SH3BGRL2: variants seen among roughly 807,000 people sequenced by gnomAD.
The protein encoded by SH3BGRL2 is SH3 domain binding glutamate rich protein like 2.
A neutral mutation model predicts 14.8 loss-of-function variants in SH3BGRL2; 21 were observed. That is an observed-to-expected ratio of 1.42 (90% CI 1.01 to 2.05). The LOEUF (loss-of-function observed/expected upper bound fraction) is 2.05. Ranked by LOEUF, SH3BGRL2 falls within the 30% of genes most tolerant of loss-of-function variation. The pLI is 0.00. For missense variants in SH3BGRL2, 147 were observed against 130.8 expected, an observed-to-expected ratio of 1.12 and a Z score of -0.61; for synonymous variants, 50 against 47.8, an observed-to-expected ratio of 1.05 and a Z score of -0.19.
At chr6:79,685,300 CTCTT>C (rs1210715829) in intron 2 of SH3BGRL2, among the ~76,000 whole-genome samples, 1 of 152,148 alleles carries the variant, frequency 6.6e-6, no homozygotes, top group East Asian at 1.9e-4. Context: ...CAAATTCTCT[CTCTT>C]TCTGAATCTT....
At chr6:79,576,647 T>C in the SH3BGRL2 span, among the ~76,000 whole-genome samples, 1 of 152,196 alleles carries the variant, frequency 6.6e-6, no homozygotes, top group African/African-American at 2.4e-5. Context: ...TATTGGGGTA[T>C]AATTTACATA....
chr6:79,586,454 A>C, the SH3BGRL2 span, among the ~76,000 whole-genome samples: 1 of 152,108 alleles, frequency 6.6e-6, no homozygotes, highest in Non-Finnish European at 1.5e-5. Flanking sequence ...AAAACATATA[A>C]TTCATAAATC....
chr6:79,649,985 T>TCA (rs1554202291), intron 1 of SH3BGRL2, among the ~76,000 whole-genome samples: 2,950 of 142,002 alleles, frequency 0.021, 53 homozygotes, highest in African/African-American at 0.041. Flanking sequence ...TCTCTCTCTC[T>TCA]CACACACACA....
intron 1 of SH3BGRL2, among the ~76,000 whole-genome samples, chr6:79,654,021 A>G (rs994713664): frequency 1.7e-4 from 26 of 152,226 alleles, no homozygotes; most frequent in African/African-American, 5.8e-4. Flanking sequence ...TGGTGAGAAT[A>G]GTTGCGTTGT....
At position 79,699,821 on chromosome 6, in the gene SH3BGRL2, G is replaced by A. The variant is rs1770417591; in HGVS notation, c.*312G>A. On this transcript the variant is annotated 3_prime_UTR_variant, in exon 4 of 4. Transcript: ENST00000369838. The stretch of plus-strand genomic sequence containing the variant: ...AAGATAAGTGGGTAGCACCGTCAGA[G>A]AGAAAATGTTGGATCTGCCCTAGGT... 5.5e-6 allele frequency: 2 copies of A among 362,786 alleles called. No homozygotes were observed. The highest frequency in any genetic ancestry group is 9.8e-6 in the Non-Finnish European group (2 of 205,126). The allele number at this position is 362,786 out of a possible 1,614,324, so 22.5% of individuals were successfully genotyped here.
At chr6:79,538,517 T>A in the SH3BGRL2 span, among the ~76,000 whole-genome samples, 1 of 152,212 alleles carries the variant, frequency 6.6e-6, no homozygotes, top group African/African-American at 2.4e-5. Flanking sequence ...CATCTGTTAG[T>A]GAAAATAAGA....
the SH3BGRL2 span, among the ~76,000 whole-genome samples, chr6:79,557,476 G>C: frequency 6.6e-6 from 1 of 151,936 alleles, no homozygotes; most frequent in Non-Finnish European, 1.5e-5. Flanking sequence ...TAAACTAATT[G>C]AGCAGCAAAA....
At chr6:79,616,476 C>A in the SH3BGRL2 span, among the ~76,000 whole-genome samples, 1 of 151,892 alleles carries the variant, frequency 6.6e-6, no homozygotes, top group Non-Finnish European at 1.5e-5. Flanking sequence ...CTGTTCCTGG[C>A]CCTTTGTACA....
chr6:79,645,249 AG>A lies in SH3BGRL2; in HGVS notation c.45+13744del, dbSNP rs201553998. On this transcript the variant is annotated intron_variant, in intron 1 of 3. Coordinates refer to ENST00000369838, the MANE Select transcript of SH3BGRL2 (RefSeq NM_031469.4). ...TTTATTAAGGTTAGTGTAGGCTGGA[AG>A]TCACAATCTGGTTGCAAGTCTGAAA... 8.8e-3 allele frequency among the ~76,000 whole-genome samples: 1,335 copies of A among 152,088 alleles called. 18 individuals carry two copies. Among genetic ancestry groups the A allele is most frequent in the African/African-American group, 0.031 (1,274 of 41,420 alleles).
chr6:79,614,363 G>C, the SH3BGRL2 span, among the ~76,000 whole-genome samples: 2 of 152,210 alleles, frequency 1.3e-5, no homozygotes, highest in East Asian at 3.9e-4. Context: ...AAGAGGCAGA[G>C]GCCTGGGGGA....
chr6:79,666,667 C>G (rs564911165), intron 1 of SH3BGRL2, among the ~76,000 whole-genome samples: 1 of 152,132 alleles, frequency 6.6e-6, no homozygotes, highest in African/African-American at 2.4e-5. Context: ...GGGCCTTCTA[C>G]CTTCCTTAAT....
chr6:79,594,358 C>G, the SH3BGRL2 span, among the ~76,000 whole-genome samples: 1 of 152,160 alleles, frequency 6.6e-6, no homozygotes, highest in Admixed American at 6.5e-5. Flanking sequence ...GTTGAGGCTT[C>G]TCCTGCATGA....
At chr6:79,581,890 C>T in the SH3BGRL2 span, among the ~76,000 whole-genome samples, 19 of 152,152 alleles carry the variant, frequency 1.2e-4, no homozygotes, top group Admixed American at 3.9e-4. Context: ...AAAACCCCAT[C>T]GTCTCAGTCC....
the SH3BGRL2 span, among the ~76,000 whole-genome samples, chr6:79,599,783 A>G: frequency 6.6e-6 from 1 of 152,214 alleles, no homozygotes. Context: ...ATTGAGTGCT[A>G]TTCGAGCAGG....
chr6:79,681,809 T>C (rs1769992987), intron 2 of SH3BGRL2, among the ~76,000 whole-genome samples: 1 of 152,062 alleles, frequency 6.6e-6, no homozygotes, highest in Non-Finnish European at 1.5e-5. Context: ...ATCCGATCCA[T>C]ATATAAGATT....
the SH3BGRL2 span, among the ~76,000 whole-genome samples, chr6:79,616,900 A>G: frequency 6.6e-6 from 1 of 152,134 alleles, no homozygotes; most frequent in Non-Finnish European, 1.5e-5. Flanking sequence ...TTATGAAAAA[A>G]ATCAGGGCTG....
At chr6:79,629,799 G>A (rs1504366), upstream of SH3BGRL2, among the ~76,000 whole-genome samples, 67,633 of 151,882 alleles carry the variant, frequency 0.45, 15,396 homozygotes, top group East Asian at 0.63. Flanking sequence ...GACAATAGGT[G>A]CTCTGCTGAC....
chr6:79,600,978 A>G, the SH3BGRL2 span, among the ~76,000 whole-genome samples: 1 of 152,062 alleles, frequency 6.6e-6, no homozygotes, highest in Non-Finnish European at 1.5e-5. Flanking sequence ...TCATCTCAGG[A>G]GTCCCCCCTC....
chr6:79,666,026 A>C (rs575739422), intron 1 of SH3BGRL2, among the ~76,000 whole-genome samples: 1 of 152,290 alleles, frequency 6.6e-6, no homozygotes, highest in African/African-American at 2.4e-5. Flanking sequence ...GGGTTACTCT[A>C]CACCCCTGCC....
Sources: gnomAD v4.1 joint callset for allele counts (sites outside exome capture counted in the v4.1 genomes callset) on GRCh38, gnomAD v4.1.1 for gene constraint, MANE v1.5 for transcripts, NCBI Gene and HGNC (gene_info 2026-07-23, HGNC 2026-07-21) for gene names.